Variants in TAF4B observed in about 807,000 individuals in gnomAD.
TAF4B encodes transcription initiation factor TFIID subunit 4B.
TAF4B carries 38 observed loss-of-function variants against 86.4 expected under a neutral mutation model. The ratio of observed to expected loss-of-function variants is 0.44; its 90% CI spans 0.34 to 0.58. The LOEUF is 0.58. Among genes scored for constraint, TAF4B ranks in the 20% least tolerant of loss-of-function variants. The pLI is 0.02. For missense variants in TAF4B, 988 were observed against 1,027.6 expected (o/e 0.96, Z 0.53); for synonymous variants, 388 against 391.2 (o/e 0.99, Z 0.10).
Position 26,321,186 on chromosome 18 carries a change from A to T in TAF4B, c.2119A>T (p.Met707Leu), listed in dbSNP as rs148555305. The T allele has an allele frequency of 4.3e-6, 7 of 1,613,690 alleles. No individual in the cohort carries two copies. The highest frequency in any genetic ancestry group is 5.9e-6 in the Non-Finnish European group (7 of 1,179,734). The change falls in exon 11 of 15, where the codon ATG (methionine) becomes TTG (leucine). Residue 707 changes from methionine (M) to leucine (L), a missense_variant. Physicochemically the swap from Met to Leu is conservative, Grantham distance 15. Coordinates refer to ENST00000269142, the MANE Select transcript of TAF4B (RefSeq NM_005640.3). ...EKLTAIAQHR[M>L]TTYKASENYI... ...ACTGACTGCAATTGCTCAGCATCGA[A>T]TGACTACTTACAAGGTAAAGGAAAT...
intron 1 of TAF4B, among the ~76,000 whole-genome samples, chr18:26,247,297 T>C (rs1303151666): frequency 6.6e-6 from 1 of 152,190 alleles, no homozygotes; most frequent in East Asian, 1.9e-4. Flanking sequence ...ACCATTTATG[T>C]GGAATACAAT....
chr18:26,291,696 G>T (rs1276575164), intron 7 of TAF4B, among the ~76,000 whole-genome samples: 1 of 113,740 alleles, frequency 8.8e-6, no homozygotes, highest in African/African-American at 3.2e-5. Flanking sequence ...GACAGAGCAA[G>T]ACTCTGTCTC....
chr18:26,337,898 C>T (rs1002615259), intron 13 of TAF4B, among the ~76,000 whole-genome samples: 1 of 152,134 alleles, frequency 6.6e-6, no homozygotes, highest in Non-Finnish European at 1.5e-5. Context: ...TTTTATTTAG[C>T]ACAGATGCCT....
chr18:26,282,260 AT>A (rs1400406545), intron 6 of TAF4B, among the ~76,000 whole-genome samples, 200 bp downstream of exon 6: 1 of 152,212 alleles, frequency 6.6e-6, no homozygotes, highest in Non-Finnish European at 1.5e-5. Flanking sequence ...GAGAAGTAAC[AT>A]TTTATTCATG....
intron 1 of TAF4B, among the ~76,000 whole-genome samples, chr18:26,233,561 G>A (rs1333995094): frequency 2.0e-5 from 3 of 152,178 alleles, no homozygotes; most frequent in Non-Finnish European, 4.4e-5. Flanking sequence ...ATGCTGATGG[G>A]ATAGTAGGTG....
At chr18:26,315,538 C>T in intron 10 of TAF4B, 140 bp downstream of exon 10, 2 of 529,190 alleles carry the variant, frequency 3.8e-6, no homozygotes, top group Non-Finnish European at 3.1e-6. Flanking sequence ...ATTTCATGGG[C>T]ATTACAGAAA....
intron 1 of TAF4B, among the ~76,000 whole-genome samples, chr18:26,233,677 G>A (rs1004417378): frequency 6.6e-5 from 10 of 152,148 alleles, no homozygotes; most frequent in Non-Finnish European, 1.2e-4. Flanking sequence ...TTCATTGCTC[G>A]TGAATTATTT....
chr18:26,256,555 T>G (rs1313645071), intron 1 of TAF4B, among the ~76,000 whole-genome samples: 2 of 151,950 alleles, frequency 1.3e-5, no homozygotes, highest in Admixed American at 6.6e-5. Context: ...CTTGCTTTAG[T>G]TTTCATTTTG....
At chr18:26,282,488 C>A (rs963539957) in intron 6 of TAF4B, among the ~76,000 whole-genome samples, 7 of 152,238 alleles carry the variant, frequency 4.6e-5, no homozygotes, top group South Asian at 2.1e-4. Flanking sequence ...ATTACATATG[C>A]TAATTAAAAA....
chr18:26,346,332 AGAAT>A (rs1390444525), intron 13 of TAF4B, among the ~76,000 whole-genome samples: 1 of 151,550 alleles, frequency 6.6e-6, no homozygotes, highest in African/African-American at 2.4e-5. Flanking sequence ...CCCCAAAAAA[AGAAT>A]GAAGAAAGCT....
In TAF4B at chr18:26,318,521, A is replaced by G. The variant is rs577835750; in HGVS notation, c.2003-2549A>G. 3.5e-4 allele frequency among the ~76,000 whole-genome samples: 54 copies of G among 152,302 alleles called. 1 individual carries two copies. Among genetic ancestry groups the G allele is most frequent in the African/African-American group, 1.2e-3 (51 of 41,578 alleles). Reference sequence around the variant, plus strand: ...ACCCAAAGATTTTCTTTTTGGAAAAAGGATTTTTCTACTTGAATAATGTTA... The same window carrying G: ...ACCCAAAGATTTTCTTTTTGGAAAAGGGATTTTTCTACTTGAATAATGTTA... On this transcript the variant is annotated intron_variant, in intron 10 of 14. Transcript: ENST00000269142.
At chr18:26,306,485 A>G (rs2056795953) in intron 9 of TAF4B, among the ~76,000 whole-genome samples, 1 of 152,184 alleles carries the variant, frequency 6.6e-6, no homozygotes, top group Non-Finnish European at 1.5e-5. Flanking sequence ...TCGTCTATGA[A>G]AGCTTACAAT....
At chr18:26,231,054 T>TTTTTTG (rs2055659876) in intron 1 of TAF4B, among the ~76,000 whole-genome samples, 1 of 137,754 alleles carries the variant, frequency 7.3e-6, no homozygotes, top group South Asian at 2.3e-4. Context: ...TTTTTTTTTT[T>TTTTTTG]TTTTTGATGG....
At chr18:26,302,550 T>C (rs2056747129) in intron 9 of TAF4B, among the ~76,000 whole-genome samples, 1 of 151,880 alleles carries the variant, frequency 6.6e-6, no homozygotes, top group African/African-American at 2.4e-5. Context: ...TTTGTAGAGA[T>C]GAGGATCTCG....
Position 26,283,096 on chromosome 18 carries a change from T to C in TAF4B, c.972+1036T>C, listed in dbSNP as rs148766832. On this transcript the variant is annotated intron_variant, in intron 6 of 14. Transcript: ENST00000269142. ...CATGAGGATGGGGATCCACTTCTTA[T>C]GAACTCCTGTTAGTGTTGATATTTT... 2.8e-3 allele frequency among the ~76,000 whole-genome samples: 428 copies of C among 152,304 alleles called. 6 individuals carry two copies. The highest frequency in any genetic ancestry group is 0.019 in the East Asian group (97 of 5,178).
At chr18:26,339,087 C>A (rs1337115170) in intron 13 of TAF4B, among the ~76,000 whole-genome samples, 7 of 152,146 alleles carry the variant, frequency 4.6e-5, no homozygotes, top group Admixed American at 2.6e-4. Context: ...TGTGGATATT[C>A]CTGTAATTCA....
chr18:26,389,099 A>T (rs1978551370), intron 14 of TAF4B, among the ~76,000 whole-genome samples: 1 of 60,720 alleles, frequency 1.6e-5, no homozygotes, highest in South Asian at 7.5e-4. Flanking sequence ...GACGTGAGCT[A>T]CTGTGCCCAA....
chr18:26,276,497 A>G (rs2056386330), intron 5 of TAF4B, among the ~76,000 whole-genome samples: 1 of 152,204 alleles, frequency 6.6e-6, no homozygotes, highest in Non-Finnish European at 1.5e-5. Context: ...TTTTCCAAGT[A>G]TAAAATGTGT....
intron 13 of TAF4B, among the ~76,000 whole-genome samples, chr18:26,345,217 G>A (rs958061193): frequency 6.6e-6 from 1 of 152,152 alleles, no homozygotes; most frequent in Non-Finnish European, 1.5e-5. Flanking sequence ...CCGCTCCACT[G>A]GCAGCCACAC....
Sources: gnomAD v4.1 joint callset for allele counts (sites outside exome capture counted in the v4.1 genomes callset) on GRCh38, gnomAD v4.1.1 for gene constraint, MANE v1.5 for transcripts, NCBI Gene and HGNC (gene_info 2026-07-23, HGNC 2026-07-21) for gene names.